KLRF2: variants seen among roughly 807,000 people sequenced by gnomAD.
KLRF2 encodes the protein killer cell lectin like receptor F2.
In KLRF2, 28 loss-of-function variants were observed where a neutral mutation model predicts 25.3. That is an observed-to-expected ratio of 1.11 (90% confidence interval 0.82 to 1.52). The LOEUF (loss-of-function observed/expected upper bound fraction) is 1.52, where lower values mean the gene tolerates loss of function less well. KLRF2 is among the 40% of genes most tolerant of loss of function. The pLI is 0.00. For missense variants in KLRF2, 265 were observed against 245.8 expected, an observed-to-expected ratio of 1.08 and a Z score of -0.52; for synonymous variants, 73 against 85.0, an observed-to-expected ratio of 0.86 and a Z score of 0.78.
chr12:9,881,581 T>C lies in KLRF2; in HGVS notation c.-15T>C. On this transcript the variant is annotated 5_prime_UTR_variant, in exon 1 of 6. Coordinates refer to ENST00000535540, the MANE Select transcript of KLRF2 (RefSeq NM_001190765.1). Reference sequence around the variant, plus strand: ...TACTATTTTCTGGATAATAAGACATTAGACATTTGAAGAGATGGAGAATGA... The same window carrying C: ...TACTATTTTCTGGATAATAAGACATCAGACATTTGAAGAGATGGAGAATGA... 6.6e-7 allele frequency: 1 copy of C among 1,507,624 alleles called. No homozygotes were observed. Among genetic ancestry groups the C allele is most frequent in the Non-Finnish European group, 8.9e-7 (1 of 1,121,310 alleles). 93.4% of individuals were successfully genotyped at this position (1,507,624 alleles called of 1,614,324 possible).
chr12:9,892,903 C>A (rs147650191), intron 3 of KLRF2, 117 bp from the exon 4 acceptor site: 26 of 775,754 alleles, frequency 3.4e-5, no homozygotes, highest in African/African-American at 1.3e-4. Flanking sequence ...TTTTATTGAC[C>A]AAAAAAAAAA....
chr12:9,882,546 G>T (rs1285334565), intron 1 of KLRF2, among the ~76,000 whole-genome samples: 4 of 152,182 alleles, frequency 2.6e-5, no homozygotes, highest in Non-Finnish European at 5.9e-5. Flanking sequence ...GGGATGCAGA[G>T]GTGGGCGGGT....
At chr12:9,887,230 T>A (rs1029604444) in intron 2 of KLRF2, among the ~76,000 whole-genome samples, 6 of 152,048 alleles carry the variant, frequency 3.9e-5, no homozygotes, top group African/African-American at 1.4e-4. Flanking sequence ...AAGAACCCAC[T>A]AAGTTCGGAA....
At chr12:9,887,888 A>T (rs1481851860) in intron 2 of KLRF2, among the ~76,000 whole-genome samples, 1 of 151,500 alleles carries the variant, frequency 6.6e-6, no homozygotes, top group Admixed American at 6.6e-5. Flanking sequence ...CCCGTCCCTA[A>T]TAAAAAAATA....
intron 2 of KLRF2, among the ~76,000 whole-genome samples, chr12:9,887,344 T>C (rs1399866628): frequency 3.3e-5 from 5 of 152,216 alleles, no homozygotes; most frequent in Admixed American, 6.5e-5. Context: ...AAAAATATAA[T>C]CCTAAAGGGT....
Position 9,893,145 on chromosome 12 carries a change from G to T in KLRF2, c.343G>T (p.Val115Leu). The T allele has an allele frequency of 6.5e-7, 1 of 1,532,822 alleles. No homozygotes were observed. The highest frequency in any genetic ancestry group is 8.7e-7 in the Non-Finnish European group (1 of 1,145,006). 95.0% of individuals were successfully genotyped at this position (1,532,822 alleles called of 1,614,324 possible). Reference sequence around the variant, plus strand: ...TACACAGCTACAGGCACATTTACTGGTGATTCAAAATTTGGATGAGCTGGT... The same window carrying T: ...TACACAGCTACAGGCACATTTACTGTTGATTCAAAATTTGGATGAGCTGGT... ...DCTQLQAHLL[V>L]IQNLDELEFI... Residue 115 changes from valine to leucine, a missense_variant, in exon 4 of 6, where the codon GTG (valine) becomes TTG (leucine). Physicochemically the swap from Val to Leu is conservative, Grantham distance 32. Coordinates refer to ENST00000535540, the MANE Select transcript of KLRF2 (RefSeq NM_001190765.1).
rs1868096488 is a variant in KLRF2, at chr12:9,881,683, C to T, written c.70+18C>T. The T allele has an allele frequency of 5.3e-6, 8 of 1,505,634 alleles. No homozygotes were observed. In the African/African-American group the frequency reaches 9.7e-5, roughly 18 times the overall value. 93.3% of individuals were successfully genotyped at this position (1,505,634 alleles called of 1,614,324 possible). ...ATCTAAAGGTAGGAATACTGCTCCC[C>T]ATCACCGCATTTAAAATTTCATTAT... On this transcript the variant is annotated intron_variant, in intron 1 of 5. Transcript: ENST00000535540.
At chr12:9,888,213 G>C (rs1006850871) in intron 2 of KLRF2, among the ~76,000 whole-genome samples, 1 of 151,704 alleles carries the variant, frequency 6.6e-6, no homozygotes, top group African/African-American at 2.4e-5. Context: ...ATTGCAGGCC[G>C]GGCATGGTGG....
chr12:9,884,611 TATA>T (rs1380422732), intron 1 of KLRF2, among the ~76,000 whole-genome samples: 1 of 148,540 alleles, frequency 6.7e-6, no homozygotes, highest in East Asian at 1.9e-4. Context: ...TTATATTTTA[TATA>T]ATATGTTATA....
In KLRF2 at chr12:9,881,539, A is replaced by G; in HGVS notation, c.-57A>G. On this transcript the variant is annotated 5_prime_UTR_variant, in exon 1 of 6. Transcript: ENST00000535540. ...AAGAGACATATCCAAGGTTGAGATT[A>G]GTTTCCATTTTCTTTGTACTATTTT... The G allele has an allele frequency of 8.0e-7, 1 of 1,243,428 alleles. No homozygotes were observed. Among genetic ancestry groups the G allele is most frequent in the Non-Finnish European group, 1.1e-6 (1 of 883,162 alleles). The allele number at this position is 1,243,428 out of a possible 1,614,324, so 77.0% of individuals were successfully genotyped here.
chr12:9,884,337 A>G (rs1868127281), intron 1 of KLRF2, among the ~76,000 whole-genome samples: 1 of 151,858 alleles, frequency 6.6e-6, no homozygotes, highest in African/African-American at 2.4e-5. Flanking sequence ...GCTGAAACTG[A>G]CTCCTGTCTA....
intron 3 of KLRF2, among the ~76,000 whole-genome samples, chr12:9,890,397 C>T (rs896594011): frequency 1.3e-5 from 2 of 152,160 alleles, no homozygotes; most frequent in African/African-American, 4.8e-5. Context: ...CTTTCGAGAG[C>T]TGAGGTTCCT....
intron 1 of KLRF2, among the ~76,000 whole-genome samples, chr12:9,883,210 C>T (rs1386861633): frequency 1.3e-5 from 2 of 152,110 alleles, no homozygotes; most frequent in Non-Finnish European, 2.9e-5. Context: ...TACACCTATT[C>T]CTTAAGATTG....
intron 3 of KLRF2, among the ~76,000 whole-genome samples, chr12:9,890,410 T>G (rs1355857171): frequency 6.6e-6 from 1 of 152,178 alleles, no homozygotes; most frequent in Non-Finnish European, 1.5e-5. Context: ...AGGTTCCTCT[T>G]CCAAGCTCTC....
At chr12:9,884,700 C>A (rs1868131467) in intron 1 of KLRF2, among the ~76,000 whole-genome samples, 1 of 150,192 alleles carries the variant, frequency 6.7e-6, no homozygotes, top group Non-Finnish European at 1.5e-5. Context: ...TTTTTAGGTC[C>A]TCAAAAACAC....
chr12:9,892,492 C>T (rs1183842228), intron 3 of KLRF2, among the ~76,000 whole-genome samples: 1 of 151,130 alleles, frequency 6.6e-6, no homozygotes, highest in Admixed American at 6.6e-5. Context: ...AATTCACAGG[C>T]TTTGTTCTCC....
intron 3 of KLRF2, among the ~76,000 whole-genome samples, chr12:9,889,766 A>T (rs920067337): frequency 6.6e-6 from 1 of 152,012 alleles, no homozygotes; most frequent in African/African-American, 2.4e-5. Context: ...GTGTGGAGGC[A>T]GTATAGTGCA....
chr12:9,881,590 G>A lies in KLRF2; in HGVS notation c.-6G>A, dbSNP rs754422313. On this transcript the variant is annotated 5_prime_UTR_variant, in exon 1 of 6. Transcript: ENST00000535540. ...CTGGATAATAAGACATTAGACATTT[G>A]AAGAGATGGAGAATGAAGATGGGTA... is the stretch of plus-strand genomic sequence containing the variant. 11 of 1,525,176 alleles carry A rather than the reference G, an allele frequency of 7.2e-6. No homozygotes were observed. The South Asian group carries it at 1.2e-4, about 17-fold the overall frequency. The allele number at this position is 1,525,176 out of a possible 1,614,324, so 94.5% of individuals were successfully genotyped here. A position where few individuals can be genotyped will look rare whatever the true frequency, so the allele number is the denominator to read the frequency against.
At chr12:9,888,847 T>G (rs1862638331) in intron 3 of KLRF2, 67 bp downstream of exon 3, 1 of 934,856 alleles carries the variant, frequency 1.1e-6, no homozygotes, top group African/African-American at 1.6e-5. Flanking sequence ...TCCCTCTTCC[T>G]GGCGTTCACC....
Sources: gnomAD v4.1 joint callset for allele counts (sites outside exome capture counted in the v4.1 genomes callset) on GRCh38, gnomAD v4.1.1 for gene constraint, MANE v1.5 for transcripts, NCBI Gene and HGNC (gene_info 2026-07-23, HGNC 2026-07-21) for gene names.